Variants in ACSM3 observed in about 807,000 individuals in gnomAD.
ACSM3 encodes acyl-coenzyme A synthetase ACSM3, mitochondrial.
In ACSM3, 61 loss-of-function variants were observed where a neutral mutation model predicts 74.1. That is an observed-to-expected ratio of 0.82 (90% CI 0.67 to 1.02). The LOEUF is 1.02. Among genes scored for constraint, ACSM3 ranks in the 50% least tolerant of loss-of-function variants. The pLI, the probability that ACSM3 is intolerant of heterozygous loss-of-function variation, is 0.00. For missense variants in ACSM3, 660 were observed against 697.0 expected (o/e 0.95, Z 0.60); for synonymous variants, 213 against 241.5 (o/e 0.88, Z 1.09).
intron 1 of ACSM3, chr16:20,731,668 CTA>C: frequency 2.5e-6 from 1 of 405,388 alleles, no homozygotes; most frequent in Non-Finnish European, 4.4e-6. Flanking sequence ...GTCCTACAGC[CTA>C]GAGAAATTAA....
intron 1 of ACSM3, chr16:20,691,231 A>G (rs768383966): frequency 6.0e-5 from 88 of 1,476,294 alleles, no homozygotes; most frequent in Non-Finnish European, 7.9e-5. Flanking sequence ...TTCTCAAGTC[A>G]CCACCTGCCT....
At chr16:20,753,637 C>A (rs2080005416) in intron 2 of ACSM3, among the ~76,000 whole-genome samples, 1 of 151,674 alleles carries the variant, frequency 6.6e-6, no homozygotes, top group Admixed American at 6.6e-5. Context: ...AAAAGAGAGA[C>A]CAAGAGAAGA....
chr16:20,729,562 A>C, intron 1 of ACSM3: 1 of 441,438 alleles, frequency 2.3e-6, no homozygotes, highest in Admixed American at 3.2e-5. Context: ...AGGTAGATGA[A>C]TATCATTAAT....
chr16:20,792,816 G>T, intron 12 of ACSM3: 1 of 606,328 alleles, frequency 1.6e-6, no homozygotes, highest in Non-Finnish European at 2.1e-6. Context: ...GAGATTTCAG[G>T]AAATAAACTC....
At chr16:20,738,778 C>T in intron 1 of ACSM3, 2 of 1,147,542 alleles carry the variant, frequency 1.7e-6, no homozygotes, top group Non-Finnish European at 2.5e-6. Flanking sequence ...TGTACAGAAG[C>T]TGCCATCAAA....
chr16:20,695,282 A>G (rs944393584), intron 1 of ACSM3, among the ~76,000 whole-genome samples: 6 of 152,216 alleles, frequency 3.9e-5, no homozygotes, highest in Non-Finnish European at 8.8e-5. Flanking sequence ...CCCTATAAAA[A>G]CATAGGCATA....
At chr16:20,732,417 T>A (rs985335221) in intron 1 of ACSM3, among the ~76,000 whole-genome samples, 1 of 152,194 alleles carries the variant, frequency 6.6e-6, no homozygotes, top group Non-Finnish European at 1.5e-5. Context: ...TTGAGGACAT[T>A]TTAAAATACA....
Position 20,770,024 on chromosome 16 carries a change from C to T in ACSM3, c.-11C>T. 6.2e-7 allele frequency: 1 copy of T among 1,613,874 alleles called. No individual in the cohort carries two copies. Among genetic ancestry groups the T allele is most frequent in the Non-Finnish European group, 8.5e-7 (1 of 1,179,804 alleles). ...TGCAAATCCTGAGTGCTAAAGCTTC[C>T]AACAAGACTGATGCTAGCTCGTGTC... On this transcript the variant is annotated 5_prime_UTR_variant, in exon 2 of 14. Transcript: ENST00000289416.
At position 20,796,499 on chromosome 16, in the gene ACSM3, CTAATTA is replaced by C; in HGVS notation, c.1674+14_1674+19del. The C allele has an allele frequency of 2.5e-6, 4 of 1,609,716 alleles. No individual in the cohort carries two copies. The highest frequency in any genetic ancestry group is 3.4e-6 in the Non-Finnish European group (4 of 1,179,096). ...CAAATATCCCAGAAAGGTAGGCATC[CTAATTA>C]TAACGAATATTTGCTCAGTGTTGTG... On this transcript the variant is annotated intron_variant, in intron 13 of 13. Coordinates refer to ENST00000289416, the MANE Select transcript of ACSM3 (RefSeq NM_005622.4).
chr16:20,752,368 A>T (rs767663792), intron 2 of ACSM3, among the ~76,000 whole-genome samples: 10 of 152,180 alleles, frequency 6.6e-5, no homozygotes, highest in Admixed American at 6.5e-5. Context: ...TCTGCTCCGT[A>T]TAAGGAATGG....
At chr16:20,775,708 C>A in intron 2 of ACSM3, 131 bp from the exon 3 acceptor site, 1 of 885,630 alleles carries the variant, frequency 1.1e-6, no homozygotes. Context: ...GAGTTATTTC[C>A]AAATTCTCCA....
intron 1 of ACSM3, among the ~76,000 whole-genome samples, chr16:20,702,656 GTTGT>G (rs780391375): frequency 6.6e-6 from 1 of 152,138 alleles, no homozygotes; most frequent in Admixed American, 6.5e-5. Flanking sequence ...TTATGATGGG[GTTGT>G]TTGTTTTTGT....
intron 2 of ACSM3, among the ~76,000 whole-genome samples, chr16:20,773,733 T>C (rs2080220999): frequency 6.6e-6 from 1 of 152,240 alleles, no homozygotes; most frequent in African/African-American, 2.4e-5. Context: ...CCTGGTATGA[T>C]TTCAATTTTT....
chr16:20,742,646 A>AT (rs1258230295), intron 1 of ACSM3, among the ~76,000 whole-genome samples: 8 of 150,746 alleles, frequency 5.3e-5, no homozygotes, highest in African/African-American at 1.9e-4. Flanking sequence ...TGTCTCAAAA[A>AT]AAAAAAAAAA....
At chr16:20,772,522 G>T (rs959338644) in intron 2 of ACSM3, among the ~76,000 whole-genome samples, 1 of 151,960 alleles carries the variant, frequency 6.6e-6, no homozygotes, top group Non-Finnish European at 1.5e-5. Context: ...AATCCAGTTC[G>T]AGTTGATTTT....
chr16:20,697,560 CA>C (rs2079696458), intron 1 of ACSM3: 3 of 9,920 alleles, frequency 3.0e-4, no homozygotes, highest in Non-Finnish European at 1.9e-3. Flanking sequence ...TTGGATTACA[CA>C]CACACACACA....
At chr16:20,716,932 CAGTTAGAA>C (rs2079763960) in intron 1 of ACSM3, among the ~76,000 whole-genome samples, 1 of 152,180 alleles carries the variant, frequency 6.6e-6, no homozygotes, top group African/African-American at 2.4e-5. Context: ...AGATTGTTAT[CAGTTAGAA>C]TGTCTTTGGA....
chr16:20,769,820 A>T (rs532031195), intron 1 of ACSM3, among the ~76,000 whole-genome samples, 164 bp from the exon 2 acceptor site: 2 of 152,346 alleles, frequency 1.3e-5, no homozygotes, highest in African/African-American at 4.8e-5. Flanking sequence ...ATTTAATAAG[A>T]AAGTGTCTAT....
At chr16:20,755,114 G>C (rs2080018944) in intron 2 of ACSM3, among the ~76,000 whole-genome samples, 1 of 152,158 alleles carries the variant, frequency 6.6e-6, no homozygotes. Flanking sequence ...CCAAAGCTGG[G>C]TAAAGAACCT....
Sources: allele counts gnomAD v4.1 joint callset (sites outside exome capture counted in the v4.1 genomes callset), GRCh38; gene constraint gnomAD v4.1.1; transcripts MANE v1.5; gene names NCBI Gene and HGNC (gene_info 2026-07-23, HGNC 2026-07-21).